SPTSSA: variants seen among roughly 807,000 people sequenced by gnomAD.
The protein encoded by SPTSSA is small subunit of serine palmitoyltransferase A.
In SPTSSA, 8 loss-of-function variants were observed where a neutral mutation model predicts 9.1. The observed-to-expected ratio is 0.88, with a 90% CI of 0.51 to 1.58. SPTSSA has a LOEUF of 1.58. Among genes scored for constraint, SPTSSA ranks in the 40% most tolerant of loss-of-function variants. The pLI, the probability that SPTSSA is intolerant of heterozygous loss-of-function variation, is 0.00. For missense variants in SPTSSA, 100 were observed against 93.8 expected (o/e 1.07, Z -0.27); for synonymous variants, 42 against 37.7 (o/e 1.11, Z -0.41).
At chr14:34,441,959 T>A (rs1032722459) in intron 1 of SPTSSA, among the ~76,000 whole-genome samples, 1 of 151,930 alleles carries the variant, frequency 6.6e-6, no homozygotes, top group South Asian at 2.1e-4. Context: ...CACTGCAACC[T>A]CCGCCTCCCG....
intron 1 of SPTSSA, among the ~76,000 whole-genome samples, chr14:34,453,787 C>G (rs1883566234): frequency 6.6e-6 from 1 of 151,948 alleles, no homozygotes; most frequent in East Asian, 1.9e-4. Context: ...ATTTTTTCAA[C>G]ATTCCAATTT....
chr14:34,461,882 C>T (rs1011862595), intron 1 of SPTSSA, among the ~76,000 whole-genome samples: 7 of 152,048 alleles, frequency 4.6e-5, no homozygotes, highest in African/African-American at 1.7e-4. Context: ...CAGGTGACCC[C>T]GGATCTCAAG....
intron 1 of SPTSSA, among the ~76,000 whole-genome samples, chr14:34,441,177 C>T (rs1883310908): frequency 6.6e-6 from 1 of 152,138 alleles, no homozygotes; most frequent in East Asian, 1.9e-4. Context: ...ACTTTGGGAA[C>T]TCAAAGCAGG....
Position 34,443,171 on chromosome 14 carries a change from G to GTT in SPTSSA, c.113-7869_113-7868dup, listed in dbSNP as rs1555314370. 3.1e-3 allele frequency among the ~76,000 whole-genome samples: 191 copies of GTT among 62,122 alleles called. 36 individuals carry two copies. Among genetic ancestry groups the GTT allele is most frequent in the African/African-American group, 0.026 (168 of 6,378 alleles). The allele number at this position is 62,122 out of a possible 152,430, so 40.8% of individuals were successfully genotyped here. A position where few individuals can be genotyped will look rare whatever the true frequency, so the allele number is the denominator to read the frequency against. On this transcript the variant is annotated intron_variant, in intron 1 of 1. Transcript: ENST00000298130. ...TGTGTGTGTGTGTGTGTGTGTGTGT[G>GTT]TTTTGAGATTGAGTTTTCCTCTAGG...
At chr14:34,438,391 T>C (rs1298198127) in intron 1 of SPTSSA, among the ~76,000 whole-genome samples, 4 of 152,160 alleles carry the variant, frequency 2.6e-5, no homozygotes, top group African/African-American at 9.6e-5. Context: ...TTGACTGTCA[T>C]GTTGTTGCTC....
At chr14:34,451,834 G>T (rs1367168183) in intron 1 of SPTSSA, among the ~76,000 whole-genome samples, 1 of 151,696 alleles carries the variant, frequency 6.6e-6, no homozygotes. Context: ...AGCATTTGAC[G>T]AAGTATTATC....
chr14:34,458,477 C>A lies in SPTSSA; in HGVS notation c.112+3619G>T, dbSNP rs113573403. 5.9e-3 allele frequency among the ~76,000 whole-genome samples: 891 copies of A among 151,414 alleles called. 15 individuals carry two copies. Among genetic ancestry groups the A allele is most frequent in the African/African-American group, 0.02 (812 of 41,258 alleles). On this transcript the variant is annotated intron_variant, in intron 1 of 1. Coordinates refer to ENST00000298130, the MANE Select transcript of SPTSSA (RefSeq NM_138288.4). The stretch of plus-strand genomic sequence containing the variant: ...GGGATTACAGGTGTGAGCTACCGCG[C>A]CAGGCCTAAGATCGACTTTCTTTTT...
intron 1 of SPTSSA, among the ~76,000 whole-genome samples, chr14:34,448,958 C>T (rs1048140906): frequency 2.7e-5 from 4 of 148,586 alleles, no homozygotes; most frequent in Admixed American, 2.0e-4. Flanking sequence ...TGAGATCACA[C>T]GGCTGTACTC....
At chr14:34,442,953 G>GGT (rs1378195488) in intron 1 of SPTSSA, among the ~76,000 whole-genome samples, 2 of 108,482 alleles carry the variant, frequency 1.8e-5, no homozygotes, top group Non-Finnish European at 3.6e-5. Flanking sequence ...CATGTCTAGG[G>GGT]GGGTGTGTGT....
At chr14:34,445,852 T>A (rs1335559216) in intron 1 of SPTSSA, among the ~76,000 whole-genome samples, 1 of 152,242 alleles carries the variant, frequency 6.6e-6, no homozygotes, top group Non-Finnish European at 1.5e-5. Flanking sequence ...GTTGTCATTG[T>A]AAACCACAGA....
intron 1 of SPTSSA, among the ~76,000 whole-genome samples, chr14:34,452,261 A>G (rs1020207342): frequency 5.9e-5 from 9 of 151,884 alleles, no homozygotes; most frequent in Non-Finnish European, 1.2e-4. Flanking sequence ...AAAAAAAAAA[A>G]AAAAGAAAGT....
At chr14:34,456,884 G>A (rs1878493048) in intron 1 of SPTSSA, among the ~76,000 whole-genome samples, 1 of 148,728 alleles carries the variant, frequency 6.7e-6, no homozygotes, top group African/African-American at 2.5e-5. Flanking sequence ...GGGCAACACA[G>A]CGAGACTCCA....
intron 1 of SPTSSA, among the ~76,000 whole-genome samples, chr14:34,456,425 A>G (rs1878470980): frequency 6.6e-6 from 1 of 152,224 alleles, no homozygotes; most frequent in Non-Finnish European, 1.5e-5. Context: ...AAAGTGGGAA[A>G]AAAATGTTTT....
chr14:34,458,093 T>G (rs1878528116), intron 1 of SPTSSA, among the ~76,000 whole-genome samples: 3 of 152,226 alleles, frequency 2.0e-5, no homozygotes, highest in African/African-American at 7.2e-5. Flanking sequence ...ATTCACAATG[T>G]GTCTGACTTG....
intron 1 of SPTSSA, among the ~76,000 whole-genome samples, chr14:34,438,151 C>T (rs959248475): frequency 3.3e-5 from 5 of 152,026 alleles, no homozygotes; most frequent in African/African-American, 9.7e-5. Flanking sequence ...TTGTTACTTG[C>T]GGCTGAAAAC....
chr14:34,447,274 C>A (rs1398658467), intron 1 of SPTSSA, among the ~76,000 whole-genome samples: 1 of 143,298 alleles, frequency 7.0e-6, no homozygotes, highest in Non-Finnish European at 1.5e-5. Context: ...AGCAAGCAGA[C>A]ACTTCATCCA....
chr14:34,462,189 C>G lies in SPTSSA; in HGVS notation c.19G>C (p.Ala7Pro), dbSNP rs772833181. Residue 7 changes from alanine to proline, a missense_variant, in exon 1 of 2, where the codon GCG (alanine) becomes CCG (proline). Physicochemically the swap from Ala to Pro is conservative, Grantham distance 27. Coordinates refer to ENST00000298130, the MANE Select transcript of SPTSSA (RefSeq NM_138288.4). Reference protein sequence around the residue: MAGMALARAWKQMSWFY... With the variant: MAGMALPRAWKQMSWFY... ...CAGGACATCTGCTTCCAGGCCCGCG[C>G]CAGCGCCATCCCCGCCATGCGCCTC... 3 of 1,532,276 alleles carry G rather than the reference C, an allele frequency of 2.0e-6. No individual in the cohort carries two copies. In the South Asian group the frequency reaches 3.5e-5, roughly 18 times the overall value. 94.9% of individuals were successfully genotyped at this position (1,532,276 alleles called of 1,614,324 possible). A position where few individuals can be genotyped will look rare whatever the true frequency, so the allele number is the denominator to read the frequency against.
chr14:34,440,610 G>A (rs561357753), intron 1 of SPTSSA, among the ~76,000 whole-genome samples: 39 of 152,248 alleles, frequency 2.6e-4, no homozygotes, highest in African/African-American at 8.4e-4. Flanking sequence ...GGCTGGGCGC[G>A]GTGGCTTACA....
At chr14:34,455,089 G>GA (rs994061837) in intron 1 of SPTSSA, among the ~76,000 whole-genome samples, 148 of 131,460 alleles carry the variant, frequency 1.1e-3, no homozygotes, top group Middle Eastern at 4.4e-3. Flanking sequence ...TCCATCTTGA[G>GA]AAAAAAAAAA....
Sources: allele counts gnomAD v4.1 joint callset (sites outside exome capture counted in the v4.1 genomes callset), GRCh38; gene constraint gnomAD v4.1.1; transcripts MANE v1.5; gene names NCBI Gene and HGNC (gene_info 2026-07-23, HGNC 2026-07-21).